The following PRPF19 variants were observed in gnomAD, a reference collection of about 807,000 sequenced individuals.
The protein encoded by PRPF19 is pre-mRNA processing factor 19, also known as pre-mRNA-processing factor 19.
In PRPF19, 2 loss-of-function variants were observed where a neutral mutation model predicts 64.2. The observed-to-expected ratio is 0.03, with a 90% CI of 0.01 to 0.10. The LOEUF (loss-of-function observed/expected upper bound fraction) is 0.10, where lower values mean the gene tolerates loss of function less well. Among genes scored for constraint, PRPF19 ranks in the 10% least tolerant of loss-of-function variants. The pLI, the probability that PRPF19 is intolerant of heterozygous loss-of-function variation, is 1.00. For synonymous variants in PRPF19, 226 were observed against 251.6 expected (o/e 0.90, Z 0.96); for missense variants, 314 against 650.0 (o/e 0.48, Z 5.62).
At chr11:60,899,112 C>T (rs1414094907) in intron 11 of PRPF19, 37 bp downstream of exon 11, 1 of 1,588,688 alleles carries the variant, frequency 6.3e-7, no homozygotes, top group Non-Finnish European at 8.6e-7. Context: ...AGCTTGGGGA[C>T]CAGCAGGCCT....
intron 1 of PRPF19, 115 bp downstream of exon 1, chr11:60,906,249 C>T (rs1856044648): frequency 2.1e-6 from 3 of 1,419,272 alleles, no homozygotes; most frequent in Non-Finnish European, 1.8e-6. Context: ...CGCTCGGCCT[C>T]CGGAGCGCCC....
Position 60,898,034 on chromosome 11 carries a change from TA to T in PRPF19, c.1311+66del. 1 of 1,606,864 alleles carries T rather than the reference TA, an allele frequency of 6.2e-7. No homozygotes were observed. The highest frequency in any genetic ancestry group is 8.5e-7 in the Non-Finnish European group (1 of 1,175,056). The stretch of plus-strand genomic sequence containing the variant: ...TGCGGATAAGCAGAAGCAATTAGAT[TA>T]ATTCAATAAATAATTGACAAACAAG... On this transcript the variant is annotated intron_variant, in intron 14 of 15. Transcript: ENST00000227524. The surrounding 1 kb of genome is among the most constrained non-coding windows in gnomAD (Gnocchi z 4.6).
chr11:60,898,703 T>C lies in PRPF19; in HGVS notation c.1055-77A>G. ...CTAAGAGCAGCAAAGGTAGGTTCCT[T>C]GTTCTTCACATTCCTCAGTGAACCC... On this transcript the variant is annotated intron_variant, in intron 12 of 15. Coordinates refer to ENST00000227524, the MANE Select transcript of PRPF19 (RefSeq NM_014502.5). This position sits in a 1 kb window ranked among gnomAD's most constrained non-coding sequence, Gnocchi z 4.6. The C allele has an allele frequency of 6.2e-7, 1 of 1,604,546 alleles. No individual in the cohort carries two copies. The highest frequency in any genetic ancestry group is 2.2e-5 in the East Asian group (1 of 44,634).
chr11:60,890,760 T>G lies in PRPF19; in HGVS notation c.*406A>C. 1 of 458,648 alleles carries G rather than the reference T, an allele frequency of 2.2e-6. No individual in the cohort carries two copies. Among genetic ancestry groups the G allele is most frequent in the Non-Finnish European group, 4.4e-6 (1 of 228,796 alleles). 28.4% of individuals were successfully genotyped at this position (458,648 alleles called of 1,614,324 possible). Reference sequence around the variant, plus strand: ...GTTTTCTTTTTTTAATGAAACTAGATCACTGCTTACAAAACCCTGCACAAG... The same window carrying G: ...GTTTTCTTTTTTTAATGAAACTAGAGCACTGCTTACAAAACCCTGCACAAG... On this transcript the variant is annotated 3_prime_UTR_variant, in exon 16 of 16. Transcript: ENST00000227524.
rs1183483440 is a variant in PRPF19, at chr11:60,906,579, G to A, written c.-197C>T. ...CGCGCCACAGCCTTCAGCACCTAAC[G>A]GAAATTGCCCTTTCCCAGAATGCAG... On this transcript the variant is annotated 5_prime_UTR_variant, in exon 1 of 16. Coordinates refer to ENST00000227524, the MANE Select transcript of PRPF19 (RefSeq NM_014502.5). 1 of 531,358 alleles carries A rather than the reference G, an allele frequency of 1.9e-6. No individual in the cohort carries two copies. The highest frequency in any genetic ancestry group is 2.5e-5 in the South Asian group (1 of 40,012). The allele number at this position is 531,358 out of a possible 1,614,324, so 32.9% of individuals were successfully genotyped here. A position where few individuals can be genotyped will look rare whatever the true frequency, so the allele number is the denominator to read the frequency against.
At chr11:60,897,244 T>C (rs1165091274) in intron 15 of PRPF19, among the ~76,000 whole-genome samples, 2 of 152,222 alleles carry the variant, frequency 1.3e-5, no homozygotes, top group Non-Finnish European at 2.9e-5. Context: ...CTTACCATTG[T>C]GTTATAATTG....
intron 10 of PRPF19, 92 bp from the exon 11 acceptor site, chr11:60,899,396 G>A (rs1855957733): frequency 7.5e-7 from 1 of 1,328,888 alleles, no homozygotes; most frequent in East Asian, 2.4e-5. Flanking sequence ...GCCCACAACT[G>A]CCAACAATTG....
At chr11:60,899,906 CCTAA>C (rs1163625191) in intron 10 of PRPF19, among the ~76,000 whole-genome samples, 4 of 152,076 alleles carry the variant, frequency 2.6e-5, no homozygotes, top group Non-Finnish European at 5.9e-5. Context: ...TTTCATGAGA[CCTAA>C]CTATTAATAC....
intron 1 of PRPF19, among the ~76,000 whole-genome samples, chr11:60,905,192 C>T (rs1565112503): frequency 6.6e-6 from 1 of 152,226 alleles, no homozygotes; most frequent in African/African-American, 2.4e-5. Flanking sequence ...AGACTGTGCA[C>T]CCCTTGAGGA....
rs1207951058 is a variant in PRPF19, at chr11:60,903,693, T to G, written c.169+19A>C. ...GCTCTGAGCTAAGATGGCCCTAGAC[T>G]AAGGCAGCCAATAGGCACCTTTGAT... On this transcript the variant is annotated intron_variant, in intron 2 of 15. Transcript: ENST00000227524. 1 of 1,585,444 alleles carries G rather than the reference T, an allele frequency of 6.3e-7. No individual in the cohort carries two copies. Among genetic ancestry groups the G allele is most frequent in the Non-Finnish European group, 8.6e-7 (1 of 1,167,576 alleles).
Position 60,893,258 on chromosome 11 carries a change from G to A in PRPF19, c.1418-1995C>T, listed in dbSNP as rs564174716. Among the ~76,000 whole-genome samples the A allele has an allele frequency of 6.6e-5, 10 of 152,152 alleles. No individual in the cohort carries two copies. In the East Asian group the frequency reaches 7.8e-4, roughly 12 times the overall value. On this transcript the variant is annotated intron_variant, in intron 15 of 15. Transcript: ENST00000227524. Reference sequence around the variant, plus strand: ...TGTAATCCCAGCACTTTGGGAGGCCGAGGTGGGCAGATCACGAGGTCAGGA... The same window carrying A: ...TGTAATCCCAGCACTTTGGGAGGCCAAGGTGGGCAGATCACGAGGTCAGGA...
At chr11:60,893,825 C>T (rs778179169) in intron 15 of PRPF19, among the ~76,000 whole-genome samples, 46 of 151,510 alleles carry the variant, frequency 3.0e-4, no homozygotes, top group Non-Finnish European at 5.2e-4. Flanking sequence ...TGTGATGGTG[C>T]CCACCTGTGC....
In PRPF19 at chr11:60,890,991, G is replaced by A. The variant is rs73491090; in HGVS notation, c.*175C>T. The A allele has an allele frequency of 0.013, 8,055 of 625,816 alleles. 429 individuals are homozygous for A. The highest frequency in any genetic ancestry group is 0.12 in the African/African-American group (6,449 of 54,078). The allele number at this position is 625,816 out of a possible 1,614,324, so 38.8% of individuals were successfully genotyped here. A position where few individuals can be genotyped will look rare whatever the true frequency, so the allele number is the denominator to read the frequency against. On this transcript the variant is annotated 3_prime_UTR_variant, in exon 16 of 16. Transcript: ENST00000227524. ...ATGGGGCCTGGAGTTGCATGGATGA[G>A]GGTGGTCCATGCCACCATGGTTCTC...
chr11:60,902,018 T>C lies in PRPF19; in HGVS notation c.525+385A>G, dbSNP rs987936149. ...AATAAGGATTATAATTCCTATCCTATTGCCCTCATAGAAAAAAAACAAGAA... is the reference window on the plus strand; with the variant it reads ...AATAAGGATTATAATTCCTATCCTACTGCCCTCATAGAAAAAAAACAAGAA... On this transcript the variant is annotated intron_variant, in intron 6 of 15. Transcript: ENST00000227524. This position sits in a 1 kb window ranked among gnomAD's most constrained non-coding sequence, Gnocchi z 5.0. Among the ~76,000 whole-genome samples, 1 of 152,160 alleles carries C rather than the reference T, an allele frequency of 6.6e-6. No homozygotes were observed. The highest frequency in any genetic ancestry group is 2.4e-5 in the African/African-American group (1 of 41,438).
intron 11 of PRPF19, 46 bp downstream of exon 11, chr11:60,899,103 G>C: frequency 6.3e-7 from 1 of 1,580,096 alleles, no homozygotes; most frequent in Non-Finnish European, 8.6e-7. Context: ...GGATGTTCAA[G>C]CTTGGGGACC....
chr11:60,895,604 T>G (rs1855911282), intron 15 of PRPF19, among the ~76,000 whole-genome samples: 1 of 152,234 alleles, frequency 6.6e-6, no homozygotes, highest in Non-Finnish European at 1.5e-5. Flanking sequence ...CCTTCAAGAA[T>G]TTTCCTTTGC....
In PRPF19 at chr11:60,902,211, C is replaced by T. The variant is rs1855990213; in HGVS notation, c.525+192G>A. On this transcript the variant is annotated intron_variant, in intron 6 of 15. Coordinates refer to ENST00000227524, the MANE Select transcript of PRPF19 (RefSeq NM_014502.5). The surrounding 1 kb of genome is among the most constrained non-coding windows in gnomAD (Gnocchi z 5.0). The stretch of plus-strand genomic sequence containing the variant: ...GGGAAATGAGACACGTAAGGGTTGG[C>T]TAAGTAAGCCAAGGTCATAAAGCTT... 6.6e-6 allele frequency among the ~76,000 whole-genome samples: 1 copy of T among 152,104 alleles called. No individual in the cohort carries two copies. Among genetic ancestry groups the T allele is most frequent in the African/African-American group, 2.4e-5 (1 of 41,396 alleles).
chr11:60,893,781 C>A (rs970582041), intron 15 of PRPF19, among the ~76,000 whole-genome samples: 4 of 152,062 alleles, frequency 2.6e-5, no homozygotes, highest in Admixed American at 2.0e-4. Context: ...ATGGGGAAAC[C>A]CCGTCTCTAC....
intron 15 of PRPF19, chr11:60,897,513 C>T (rs981945051): frequency 8.1e-5 from 18 of 221,426 alleles, no homozygotes; most frequent in Non-Finnish European, 2.7e-5. Flanking sequence ...GTGGGCCTCC[C>T]GTGCATATGC....
Sources: gnomAD v4.1 joint callset for allele counts (sites outside exome capture counted in the v4.1 genomes callset) on GRCh38, gnomAD v4.1.1 for gene constraint, Gnocchi (gnomAD v3.1) non-coding constraint, MANE v1.5 for transcripts, NCBI Gene and HGNC (gene_info 2026-07-23, HGNC 2026-07-21) for gene names.